BCAS3: variants seen among roughly 807,000 people sequenced by gnomAD.
BCAS3 encodes BCAS4/BCAS3 fusion.
BCAS3 carries 53 observed loss-of-function variants against 116.1 expected under a neutral mutation model. The observed-to-expected ratio is 0.46, with a 90% CI of 0.37 to 0.57. The LOEUF is 0.57. Ranked by LOEUF, BCAS3 falls within the 20% of genes least tolerant of loss-of-function variation. The pLI is 0.00. For synonymous variants in BCAS3, 391 were observed against 408.2 expected, an observed-to-expected ratio of 0.96 and a Z score of 0.51; for missense variants, 917 against 1,165.4, an observed-to-expected ratio of 0.79 and a Z score of 3.10.
chr17:60,686,663 T>C (rs1239882501), intron 3 of BCAS3, among the ~76,000 whole-genome samples: 1 of 152,062 alleles, frequency 6.6e-6, no homozygotes, highest in Admixed American at 6.6e-5. Context: ...GTAGCTGGGA[T>C]TGCAGGCATG....
At chr17:60,759,240 A>T (rs534839813) in intron 6 of BCAS3, among the ~76,000 whole-genome samples, 1 of 152,308 alleles carries the variant, frequency 6.6e-6, no homozygotes, top group African/African-American at 2.4e-5. Context: ...GGCCTTATAT[A>T]GTCTGTCATG....
intron 2 of BCAS3, 131 bp from the exon 3 acceptor site, chr17:60,683,850 AC>A: frequency 2.5e-6 from 2 of 799,030 alleles, no homozygotes; most frequent in Non-Finnish European, 4.0e-6. Context: ...ACAAAACAAA[AC>A]AAACAAAAAA....
In BCAS3 at chr17:61,014,521, T is replaced by TA. The variant is rs546604058; in HGVS notation, c.1487-1223dup. Among the ~76,000 whole-genome samples, 38 of 151,978 alleles carry TA rather than the reference T, an allele frequency of 2.5e-4. No individual in the cohort carries two copies. The East Asian group carries it at 7.2e-3, about 29-fold the overall frequency. ...TGATGGAACAATTACACTTCTATAT[T>TA]AAAAAAATGAATACAATGAACCTCA... On this transcript the variant is annotated intron_variant, in intron 15 of 23. Coordinates refer to ENST00000407086, the MANE Select transcript of BCAS3 (RefSeq NM_017679.5).
chr17:60,921,470 G>A (rs1196089656), intron 12 of BCAS3, among the ~76,000 whole-genome samples: 2 of 151,880 alleles, frequency 1.3e-5, no homozygotes, highest in South Asian at 2.1e-4. Flanking sequence ...AAAATTAGCC[G>A]GGCGTAGTGG....
intron 22 of BCAS3, among the ~76,000 whole-genome samples, chr17:61,137,896 C>A (rs900093992): frequency 6.6e-6 from 1 of 152,140 alleles, no homozygotes; most frequent in Admixed American, 6.5e-5. Flanking sequence ...TCCTTTGAGT[C>A]CACTGAGGAG....
intron 7 of BCAS3, among the ~76,000 whole-genome samples, chr17:60,867,000 A>G (rs955412193): frequency 1.3e-5 from 2 of 152,072 alleles, no homozygotes; most frequent in African/African-American, 4.8e-5. Flanking sequence ...GCATTTCCAT[A>G]TACATTCTAG....
In BCAS3 at chr17:61,349,090, C is replaced by T. The variant is rs902624455; in HGVS notation, c.2426-19237C>T. Among the ~76,000 whole-genome samples the T allele has an allele frequency of 6.6e-6, 1 of 152,168 alleles. No homozygotes were observed. Among genetic ancestry groups the T allele is most frequent in the African/African-American group, 2.4e-5 (1 of 41,432 alleles). On this transcript the variant is annotated intron_variant, in intron 22 of 23. Coordinates refer to ENST00000407086, the MANE Select transcript of BCAS3 (RefSeq NM_017679.5). This position sits in a 1 kb window ranked among gnomAD's most constrained non-coding sequence, Gnocchi z 4.7. ...ATTCTTAAGGCTGGATTTGAGGACC[C>T]GTGCTTTGGAGCAGTGGTTCCCAAA...
chr17:61,148,349 C>T (rs558308018), intron 22 of BCAS3, among the ~76,000 whole-genome samples: 6 of 152,178 alleles, frequency 3.9e-5, no homozygotes, highest in African/African-American at 1.2e-4. Context: ...ATGTACCAAC[C>T]ATTATGTGCC....
At chr17:61,236,434 C>T (rs2083063890) in intron 22 of BCAS3, among the ~76,000 whole-genome samples, 1 of 152,176 alleles carries the variant, frequency 6.6e-6, no homozygotes, top group Admixed American at 6.5e-5. Flanking sequence ...ATTGTCCTGC[C>T]TCAGCCTCCT....
At chr17:60,942,679 C>T (rs991043318) in intron 13 of BCAS3, among the ~76,000 whole-genome samples, 12 of 152,040 alleles carry the variant, frequency 7.9e-5, no homozygotes, top group African/African-American at 2.7e-4. Flanking sequence ...AATATAGTGA[C>T]TAGAGCTGTA....
intron 22 of BCAS3, among the ~76,000 whole-genome samples, chr17:61,166,324 A>G (rs1366153499): frequency 4.0e-5 from 6 of 151,564 alleles, no homozygotes; most frequent in African/African-American, 1.5e-4. Context: ...AAATAGCTCC[A>G]TAAAGCATTT....
Position 61,262,537 on chromosome 17 carries a change from C to T in BCAS3, c.2426-105790C>T, listed in dbSNP as rs545102317. 2.6e-4 allele frequency among the ~76,000 whole-genome samples: 39 copies of T among 152,166 alleles called. No homozygotes were observed. In the East Asian group the frequency reaches 6.6e-3, roughly 26 times the overall value. On this transcript the variant is annotated intron_variant, in intron 22 of 23. Transcript: ENST00000407086. ...CTGGGATTACAGGCACGCACCACTG[C>T]GCCCAGCTAATTTTTGTATTGTTAG...
chr17:61,125,653 T>C (rs942277476), intron 22 of BCAS3, among the ~76,000 whole-genome samples: 8 of 152,168 alleles, frequency 5.3e-5, no homozygotes, highest in African/African-American at 1.9e-4. Context: ...AACAGAGTAC[T>C]TTACAACATT....
At chr17:60,872,561 C>T (rs1038726973) in intron 8 of BCAS3, among the ~76,000 whole-genome samples, 8 of 147,204 alleles carry the variant, frequency 5.4e-5, no homozygotes, top group African/African-American at 2.0e-4. Flanking sequence ...ATACACACAC[C>T]CCCATATATA....
chr17:61,138,237 T>G (rs1286547797), intron 22 of BCAS3, among the ~76,000 whole-genome samples: 2 of 152,246 alleles, frequency 1.3e-5, no homozygotes, highest in African/African-American at 4.8e-5. Context: ...TGATTTAAAT[T>G]TAAATAGTTG....
intron 13 of BCAS3, among the ~76,000 whole-genome samples, chr17:60,947,017 AC>A (rs1379220466): frequency 6.6e-6 from 1 of 152,192 alleles, no homozygotes; most frequent in African/African-American, 2.4e-5. Flanking sequence ...TAGTGTTTAT[AC>A]CTTGCTGATA....
Position 61,214,706 on chromosome 17 carries a change from A to G in BCAS3, c.2425+130142A>G, listed in dbSNP as rs1225012954. 6.6e-6 allele frequency among the ~76,000 whole-genome samples: 1 copy of G among 152,190 alleles called. No homozygotes were observed. The highest frequency in any genetic ancestry group is 1.5e-5 in the Non-Finnish European group (1 of 68,040). ...ACTCCATCTCAAAAAAAAAGAAAAAAAGAAAAAAATTCAAAAACATTTTTT... is the reference window on the plus strand; with the variant it reads ...ACTCCATCTCAAAAAAAAAGAAAAAGAGAAAAAAATTCAAAAACATTTTTT... On this transcript the variant is annotated intron_variant, in intron 22 of 23. Transcript: ENST00000407086. The surrounding 1 kb of genome is among the most constrained non-coding windows in gnomAD (Gnocchi z 4.4).
intron 14 of BCAS3, among the ~76,000 whole-genome samples, chr17:60,968,483 C>G (rs565032886): frequency 6.3e-4 from 96 of 152,252 alleles, no homozygotes; most frequent in Non-Finnish European, 1.2e-3. Context: ...CTCTCACCTG[C>G]CTTGGCCTTT....
chr17:60,925,189 G>GGA, intron 13 of BCAS3, among the ~76,000 whole-genome samples: 1 of 151,890 alleles, frequency 6.6e-6, no homozygotes, highest in Non-Finnish European at 1.5e-5. Context: ...CCAAAGTATT[G>GGA]CCACGATGCT....
Sources: allele counts gnomAD v4.1 joint callset (sites outside exome capture counted in the v4.1 genomes callset), GRCh38; gene constraint gnomAD v4.1.1; non-coding constraint Gnocchi (gnomAD v3.1); transcripts MANE v1.5; gene names NCBI Gene and HGNC (gene_info 2026-07-23, HGNC 2026-07-21).